Variants in NMNAT3 observed in about 807,000 individuals in gnomAD.
NMNAT3 encodes the protein nicotinamide/nicotinic acid mononucleotide adenylyltransferase 3.
Under a neutral mutation model 24.8 loss-of-function variants are expected in NMNAT3, and 21 were observed. That is an observed-to-expected ratio of 0.85 (90% CI 0.60 to 1.22). The LOEUF is 1.22. NMNAT3 is among the 50% of genes most tolerant of loss of function. The pLI, the probability that NMNAT3 is intolerant of heterozygous loss-of-function variation, is 0.00. For synonymous variants in NMNAT3, 136 were observed against 155.2 expected (o/e 0.88, Z 0.92); for missense variants, 387 against 436.6 (o/e 0.89, Z 1.01).
intron 3 of NMNAT3, among the ~76,000 whole-genome samples, chr3:139,583,931 T>C (rs1057425197): frequency 3.9e-5 from 6 of 152,248 alleles, no homozygotes; most frequent in African/African-American, 1.4e-4. Context: ...CCATCTGCAG[T>C]GATGCCCATT....
intron 1 of NMNAT3, among the ~76,000 whole-genome samples, chr3:139,677,451 C>T (rs2057968776): frequency 1.3e-5 from 2 of 152,190 alleles, no homozygotes; most frequent in Admixed American, 6.5e-5. Flanking sequence ...CCCACGTCTC[C>T]GGGACTCTGG....
At chr3:139,661,266 C>T (rs929754227) in intron 1 of NMNAT3, among the ~76,000 whole-genome samples, 3 of 152,122 alleles carry the variant, frequency 2.0e-5, no homozygotes, top group South Asian at 2.1e-4. Flanking sequence ...TGCCTTACCA[C>T]GGGCAAGGCA....
chr3:139,576,901 C>T (rs182023608), intron 5 of NMNAT3, among the ~76,000 whole-genome samples: 1 of 151,944 alleles, frequency 6.6e-6, no homozygotes, highest in East Asian at 1.9e-4. Flanking sequence ...ACTAAAAATA[C>T]AAAAAATTAG....
intron 4 of NMNAT3, among the ~76,000 whole-genome samples, chr3:139,580,205 C>G (rs1553740519): frequency 6.6e-6 from 1 of 152,148 alleles, no homozygotes; most frequent in Non-Finnish European, 1.5e-5. Flanking sequence ...GAGTCTTGCT[C>G]TGTCACCCAG....
chr3:139,573,488 C>T (rs928305076), intron 6 of NMNAT3, 110 bp downstream of exon 6: 2 of 489,210 alleles, frequency 4.1e-6, no homozygotes, highest in East Asian at 3.4e-5. Context: ...TTATCTGTGC[C>T]CAGAGGGTTG....
Position 139,661,730 on chromosome 3 carries a change from C to T in NMNAT3, c.-141+15975G>A, listed in dbSNP as rs188369532. On this transcript the variant is annotated intron_variant, in intron 1 of 6. Coordinates refer to ENST00000643695, the MANE Select transcript of NMNAT3 (RefSeq NM_001320510.2). ...AATAAACTGCCACATAGAGGTCGCC[C>T]CCCCAAATTATTGACATACTTCTAT... Among the ~76,000 whole-genome samples the T allele has an allele frequency of 5.3e-5, 8 of 152,202 alleles. No individual in the cohort carries two copies. The East Asian group carries it at 1.5e-3, about 29-fold the overall frequency.
chr3:139,629,633 C>T (rs937463139), intron 2 of NMNAT3, among the ~76,000 whole-genome samples: 4 of 152,174 alleles, frequency 2.6e-5, no homozygotes, highest in African/African-American at 9.7e-5. Flanking sequence ...TGCTCAGTCA[C>T]AGGAACCTGG....
chr3:139,648,842 A>T (rs1389152510), intron 1 of NMNAT3, among the ~76,000 whole-genome samples: 1 of 152,214 alleles, frequency 6.6e-6, no homozygotes, highest in Non-Finnish European at 1.5e-5. Context: ...TTATTGAGTA[A>T]ATACTGGTAA....
At chr3:139,675,008 C>A (rs889149644) in intron 1 of NMNAT3, among the ~76,000 whole-genome samples, 1 of 152,096 alleles carries the variant, frequency 6.6e-6, no homozygotes, top group African/African-American at 2.4e-5. Flanking sequence ...GTCACACGAG[C>A]AATTTTATCT....
At chr3:139,671,651 A>C (rs1465004725) in intron 1 of NMNAT3, among the ~76,000 whole-genome samples, 1 of 152,076 alleles carries the variant, frequency 6.6e-6, no homozygotes, top group Non-Finnish European at 1.5e-5. Context: ...TTAAGACAAG[A>C]ATGATCAACG....
At chr3:139,599,821 C>T (rs1373029815) in intron 3 of NMNAT3, among the ~76,000 whole-genome samples, 5 of 152,170 alleles carry the variant, frequency 3.3e-5, no homozygotes, top group Admixed American at 3.3e-4. Context: ...ACTGCTCCGC[C>T]CTGTGTCCTG....
chr3:139,628,920 A>G (rs577325478), intron 2 of NMNAT3, among the ~76,000 whole-genome samples: 1 of 152,346 alleles, frequency 6.6e-6, no homozygotes, highest in Admixed American at 6.5e-5. Context: ...GATGATGATG[A>G]CAATGGTGAG....
chr3:139,576,057 A>G (rs1275239548), intron 5 of NMNAT3: 5 of 1,287,664 alleles, frequency 3.9e-6, no homozygotes, highest in Non-Finnish European at 4.0e-6. Flanking sequence ...TAGGGAAAGA[A>G]GGAATCCTCA....
intron 3 of NMNAT3, among the ~76,000 whole-genome samples, chr3:139,596,597 T>C (rs930763381): frequency 1.3e-5 from 2 of 152,102 alleles, no homozygotes; most frequent in Non-Finnish European, 2.9e-5. Context: ...TCAAAAACAA[T>C]TACCTTTTGA....
chr3:139,591,040 C>T (rs1449420518), intron 3 of NMNAT3, among the ~76,000 whole-genome samples: 1 of 152,014 alleles, frequency 6.6e-6, no homozygotes, highest in South Asian at 2.1e-4. Context: ...GTGATTTCTG[C>T]ATTTCCATCT....
At chr3:139,630,001 G>A (rs1172358528) in intron 2 of NMNAT3, among the ~76,000 whole-genome samples, 2 of 152,168 alleles carry the variant, frequency 1.3e-5, no homozygotes, top group African/African-American at 4.8e-5. Flanking sequence ...AGGTTCATTT[G>A]TTTCTAACAT....
At chr3:139,603,935 G>T (rs1173109962) in intron 3 of NMNAT3, among the ~76,000 whole-genome samples, 1 of 152,158 alleles carries the variant, frequency 6.6e-6, no homozygotes, top group Non-Finnish European at 1.5e-5. Context: ...TCAAAGGTTG[G>T]TCACTAGATA....
At chr3:139,603,295 CT>C (rs1205776355) in intron 3 of NMNAT3, among the ~76,000 whole-genome samples, 1 of 152,216 alleles carries the variant, frequency 6.6e-6, no homozygotes, top group East Asian at 1.9e-4. Context: ...CAGGACCACA[CT>C]TTGTGAAATA....
At chr3:139,615,464 C>CTATCTATGT (rs1438028853) in intron 3 of NMNAT3, among the ~76,000 whole-genome samples, 1 of 106,828 alleles carries the variant, frequency 9.4e-6, no homozygotes, top group Non-Finnish European at 2.0e-5. Context: ...TCTATCTATC[C>CTATCTATGT]ATCCACCCAC....
Sources: allele counts gnomAD v4.1 joint callset (sites outside exome capture counted in the v4.1 genomes callset), GRCh38; gene constraint gnomAD v4.1.1; transcripts MANE v1.5; gene names NCBI Gene and HGNC (gene_info 2026-07-23, HGNC 2026-07-21).